SCMH1: variants seen among roughly 807,000 people sequenced by gnomAD.
The protein encoded by SCMH1 is Scm polycomb group protein homolog 1.
Under a neutral mutation model 70.8 loss-of-function variants are expected in SCMH1, and 37 were observed. The observed-to-expected ratio is 0.52, with a 90% CI of 0.40 to 0.69. The LOEUF (loss-of-function observed/expected upper bound fraction) is 0.69, where lower values mean the gene tolerates loss of function less well. SCMH1 is among the 30% of genes least tolerant of loss of function. The probability of loss-of-function intolerance (pLI) is 0.00; values close to 1 mark genes in which losing one functional copy is unlikely to be tolerated. For synonymous variants in SCMH1, 292 were observed against 307.4 expected (o/e 0.95, Z 0.52); for missense variants, 607 against 827.3 (o/e 0.73, Z 3.27).
intron 8 of SCMH1, among the ~76,000 whole-genome samples, chr1:41,101,179 C>T (rs911897734): frequency 4.6e-5 from 7 of 152,260 alleles, no homozygotes; most frequent in African/African-American, 1.4e-4. Context: ...TGGATAGATA[C>T]TGGGGAAAGC....
At chr1:41,124,953 T>C (rs1672816865) in intron 6 of SCMH1, among the ~76,000 whole-genome samples, 1 of 152,174 alleles carries the variant, frequency 6.6e-6, no homozygotes, top group African/African-American at 2.4e-5. Context: ...GTATTTCTCA[T>C]TGCAATACTG....
intron 1 of SCMH1, among the ~76,000 whole-genome samples, chr1:41,210,177 A>T (rs1334867365): frequency 6.6e-6 from 1 of 152,210 alleles, no homozygotes; most frequent in Non-Finnish European, 1.5e-5. Flanking sequence ...CTTCAAGGAG[A>T]ACTACAAACC....
chr1:41,094,379 C>T (rs528353904), intron 8 of SCMH1, among the ~76,000 whole-genome samples: 1 of 151,930 alleles, frequency 6.6e-6, no homozygotes, highest in Non-Finnish European at 1.5e-5. Flanking sequence ...AAATATTAAC[C>T]CAGTAAAAAA....
chr1:41,107,781 GT>G (rs1668353797), intron 8 of SCMH1, among the ~76,000 whole-genome samples: 1 of 152,182 alleles, frequency 6.6e-6, no homozygotes, highest in Non-Finnish European at 1.5e-5. Flanking sequence ...GCCTCCCAAA[GT>G]GCTGGGATTA....
chr1:41,076,848 T>A (rs150109841), intron 8 of SCMH1, among the ~76,000 whole-genome samples: 1 of 152,086 alleles, frequency 6.6e-6, no homozygotes, highest in South Asian at 2.1e-4. Context: ...AGTAAAATTG[T>A]GTAGGACTGC....
chr1:41,113,276 C>T lies in SCMH1; in HGVS notation c.745+7G>A, dbSNP rs1669676501. On this transcript the variant is annotated splice_region_variant and intron_variant, in intron 8 of 14. Transcript: ENST00000337495. The surrounding 1 kb of genome is among the most constrained non-coding windows in gnomAD (Gnocchi z 4.3). ...CTGATTTCAAGAGCACGTAGATGGG[C>T]CTTTACCTTTGGTGCCAGGAGGCTG... 1 of 1,612,444 alleles carries T rather than the reference C, an allele frequency of 6.2e-7. No individual in the cohort carries two copies. The highest frequency in any genetic ancestry group is 8.5e-7 in the Non-Finnish European group (1 of 1,179,362).
chr1:41,225,562 A>G (rs1281229351), intron 1 of SCMH1, among the ~76,000 whole-genome samples: 2 of 152,230 alleles, frequency 1.3e-5, no homozygotes, highest in Non-Finnish European at 2.9e-5. Flanking sequence ...TACCATAGGT[A>G]TGTTAAAAGT....
intron 1 of SCMH1, among the ~76,000 whole-genome samples, chr1:41,216,690 G>A (rs1483160603): frequency 2.6e-5 from 4 of 152,148 alleles, no homozygotes; most frequent in Non-Finnish European, 5.9e-5. Flanking sequence ...ACACAAATAT[G>A]CTCTAAATGA....
Position 41,156,977 on chromosome 1 carries a change from G to C in SCMH1, c.106+3898C>G, listed in dbSNP as rs528681391. ...ACTTTTTTTTTTTTTTTTTTTTTGA[G>C]ACAAAGCCTCACTCAGATACCCAGG... On this transcript the variant is annotated intron_variant, in intron 4 of 14. Coordinates refer to ENST00000337495, the Ensembl canonical transcript of SCMH1. Among the ~76,000 whole-genome samples the C allele has an allele frequency of 5.2e-5, 6 of 114,916 alleles. No individual in the cohort carries two copies. The East Asian group carries it at 1.5e-3, about 29-fold the overall frequency. 75.4% of individuals were successfully genotyped at this position (114,916 alleles called of 152,430 possible). A position where few individuals can be genotyped will look rare whatever the true frequency, so the allele number is the denominator to read the frequency against.
chr1:41,185,882 C>T (rs1650067477), intron 2 of SCMH1: 1 of 292,480 alleles, frequency 3.4e-6, no homozygotes, highest in South Asian at 5.7e-5. Flanking sequence ...ACCTTGGCTT[C>T]CCAGAGTGTT....
chr1:41,160,773 GAC>G, intron 4 of SCMH1, 100 bp downstream of exon 4: 1 of 1,063,054 alleles, frequency 9.4e-7, no homozygotes, highest in Non-Finnish European at 1.4e-6. Flanking sequence ...CTGAGACAGA[GAC>G]ACGTGGAATT....
At chr1:41,167,526 A>C (rs920670910) in intron 2 of SCMH1, among the ~76,000 whole-genome samples, 4 of 152,138 alleles carry the variant, frequency 2.6e-5, no homozygotes, top group Non-Finnish European at 5.9e-5. Context: ...GAGACTTTTA[A>C]TTACTGATTG....
intron 6 of SCMH1, among the ~76,000 whole-genome samples, chr1:41,121,356 A>G (rs1021101518): frequency 2.0e-5 from 3 of 152,372 alleles, no homozygotes; most frequent in East Asian, 3.9e-4. Flanking sequence ...CAGAGCTTTC[A>G]TAACTAATCA....
intron 8 of SCMH1, among the ~76,000 whole-genome samples, chr1:41,104,422 G>C (rs1026484490): frequency 6.6e-6 from 1 of 152,172 alleles, no homozygotes; most frequent in South Asian, 2.1e-4. Flanking sequence ...GGGTTAAAGG[G>C]AAAATAGTAC....
At chr1:41,048,567 A>G (rs1647121061) in intron 11 of SCMH1, 123 bp downstream of exon 11, 1 of 843,462 alleles carries the variant, frequency 1.2e-6, no homozygotes, top group Admixed American at 2.1e-5. Flanking sequence ...GGAATGGAAT[A>G]CCTTCACATT....
chr1:41,109,901 T>C (rs1668844983), intron 8 of SCMH1, among the ~76,000 whole-genome samples: 1 of 152,124 alleles, frequency 6.6e-6, no homozygotes, highest in Non-Finnish European at 1.5e-5. Context: ...GATTTATCAG[T>C]CAAAAGAACA....
intron 8 of SCMH1, among the ~76,000 whole-genome samples, chr1:41,083,072 G>C (rs1272534261): frequency 6.6e-6 from 1 of 152,184 alleles, no homozygotes; most frequent in Non-Finnish European, 1.5e-5. Flanking sequence ...CACAAGACAG[G>C]GATGCCCTCT....
intron 10 of SCMH1, among the ~76,000 whole-genome samples, chr1:41,063,582 CAAAA>C (rs1293188774): frequency 1.5e-5 from 2 of 130,848 alleles, no homozygotes; most frequent in South Asian, 2.4e-4. Context: ...AACAAACAAA[CAAAA>C]AAACAAAACA....
intron 4 of SCMH1, among the ~76,000 whole-genome samples, chr1:41,156,532 G>A (rs185811055): frequency 1.6e-4 from 25 of 152,176 alleles, no homozygotes; most frequent in African/African-American, 2.9e-4. Flanking sequence ...TTGACCTCCC[G>A]GGCTCAAGCG....
Sources: allele counts gnomAD v4.1 joint callset (sites outside exome capture counted in the v4.1 genomes callset), GRCh38; gene constraint gnomAD v4.1.1; non-coding constraint Gnocchi (gnomAD v3.1); transcripts MANE v1.5; gene names NCBI Gene and HGNC (gene_info 2026-07-23, HGNC 2026-07-21).